The following ZNF469 variants were observed in gnomAD, a reference collection of about 807,000 sequenced individuals.
ZNF469 encodes zinc finger protein 469.
ZNF469 carries 1 observed loss-of-function variant against 1.0 expected under a neutral mutation model. The observed-to-expected ratio is 1.00, with a 90% CI of 0.35 to 4.73. The LOEUF (loss-of-function observed/expected upper bound fraction) is 4.73. Ranked by LOEUF, ZNF469 falls within the 30% of genes most tolerant of loss-of-function variation. ZNF469 has a pLI of 0.16. For missense variants in ZNF469, 6,100 were observed against 5,356.3 expected, an observed-to-expected ratio of 1.14 and a Z score of -4.33; for synonymous variants, 2,703 against 2,363.4, an observed-to-expected ratio of 1.14 and a Z score of -4.17.
the ZNF469 span, among the ~76,000 whole-genome samples, chr16:88,279,795 CTGA>C: frequency 1.9e-3 from 276 of 145,540 alleles, 3 homozygotes; most frequent in African/African-American, 3.7e-3. Context: ...CTGTGCCACG[CTGA>C]CACTCGGTCA....
intron 1 of ZNF469, among the ~76,000 whole-genome samples, chr16:88,391,592 G>A (rs1226048900): frequency 6.6e-5 from 10 of 152,270 alleles, no homozygotes; most frequent in Non-Finnish European, 2.9e-5. Context: ...CTCGGGATCG[G>A]GAGCCTCTGA....
chr16:88,365,735 C>T, the ZNF469 span, among the ~76,000 whole-genome samples: 1 of 152,166 alleles, frequency 6.6e-6, no homozygotes, highest in African/African-American at 2.4e-5. Flanking sequence ...AGTGTGGTTG[C>T]AGGTGTCCTC....
chr16:88,333,846 G>A, the ZNF469 span, among the ~76,000 whole-genome samples: 2 of 144,232 alleles, frequency 1.4e-5, no homozygotes, highest in South Asian at 4.8e-4. Context: ...GGGTGGGGGG[G>A]ACGTGGGGGC....
chr16:88,342,453 T>C, the ZNF469 span, among the ~76,000 whole-genome samples: 1 of 152,136 alleles, frequency 6.6e-6, no homozygotes, highest in South Asian at 2.1e-4. Flanking sequence ...CCCACTCCAA[T>C]GGCCACTGAG....
the ZNF469 span, among the ~76,000 whole-genome samples, chr16:88,300,469 C>T: frequency 6.6e-6 from 1 of 151,976 alleles, no homozygotes; most frequent in African/African-American, 2.4e-5. Context: ...CCCAGGGCCC[C>T]GACACTGCTC....
the ZNF469 span, among the ~76,000 whole-genome samples, chr16:88,142,121 G>A: frequency 1.3e-5 from 2 of 152,244 alleles, no homozygotes; most frequent in African/African-American, 4.8e-5. Flanking sequence ...GAACAACACA[G>A]CGATGTCCAA....
At chr16:88,273,932 G>C in the ZNF469 span, among the ~76,000 whole-genome samples, 2 of 151,822 alleles carry the variant, frequency 1.3e-5, no homozygotes, top group African/African-American at 4.8e-5. Flanking sequence ...AGCCTCCCGT[G>C]TAGCTGGACT....
chr16:88,103,910 C>T, the ZNF469 span, among the ~76,000 whole-genome samples: 722 of 148,288 alleles, frequency 4.9e-3, 5 homozygotes, highest in African/African-American at 0.017. Context: ...CTCCGTGGCA[C>T]GAGGGGGCAG....
Position 88,430,640 on chromosome 16 carries a change from A to G in ZNF469, c.3170A>G (p.Gln1057Arg), listed in dbSNP as rs1906094804. Residue 1057 changes from glutamine to arginine, a missense_variant, in exon 3 of 3, where the codon CAG becomes CGG. Gln to Arg is a conservative substitution (Grantham distance 43). Transcript: ENST00000565624. ...GAGCTCATTCTGAAGATCGTGCAGC[A>G]GAAGAACAGGCGCCACCGGCGGCTG... ...GKELILKIVQ[Q>R]KNRRHRRLGR... The G allele has an allele frequency of 2.0e-6, 3 of 1,498,174 alleles. No individual in the cohort carries two copies. The East Asian group carries it at 8.1e-5, about 41-fold the overall frequency. The allele number at this position is 1,498,174 out of a possible 1,614,324, so 92.8% of individuals were successfully genotyped here.
At chr16:88,285,459 A>G in the ZNF469 span, among the ~76,000 whole-genome samples, 1 of 152,238 alleles carries the variant, frequency 6.6e-6, no homozygotes, top group African/African-American at 2.4e-5. Context: ...ACACTGTCAC[A>G]GCAGAATCTT....
chr16:88,202,701 T>C, the ZNF469 span, among the ~76,000 whole-genome samples: 155 of 152,186 alleles, frequency 1.0e-3, 1 homozygote, highest in East Asian at 3.5e-3. Flanking sequence ...CGGATGGTGG[T>C]GGGGGCGCCT....
the ZNF469 span, among the ~76,000 whole-genome samples, chr16:88,369,387 C>A: frequency 6.6e-6 from 1 of 152,232 alleles, no homozygotes; most frequent in African/African-American, 2.4e-5. Flanking sequence ...TTGGCATTGC[C>A]TGACTCACAG....
the ZNF469 span, among the ~76,000 whole-genome samples, chr16:88,214,155 A>G: frequency 1.3e-5 from 2 of 152,224 alleles, no homozygotes; most frequent in African/African-American, 2.4e-5. Context: ...ATGGAGGCAC[A>G]TGAATTAATA....
the ZNF469 span, among the ~76,000 whole-genome samples, chr16:88,210,469 A>T: frequency 1.3e-5 from 2 of 152,238 alleles, no homozygotes; most frequent in Admixed American, 1.3e-4. Context: ...TATACCGTCA[A>T]ATATACCCAT....
At chr16:88,143,708 C>G in the ZNF469 span, among the ~76,000 whole-genome samples, 3 of 152,242 alleles carry the variant, frequency 2.0e-5, no homozygotes, top group African/African-American at 7.2e-5. Flanking sequence ...ACATCACACA[C>G]GTTTGCTCTA....
the ZNF469 span, among the ~76,000 whole-genome samples, chr16:88,251,536 G>GTGTTTTTTTTTTTTTTTTT: frequency 1.3e-4 from 10 of 78,790 alleles, 1 homozygote; most frequent in Admixed American, 1.6e-4. Flanking sequence ...TGTCCCTGCT[G>GTGTTTTTTTTTTTTTTTTT]TCTTTTTTTT....
At chr16:88,400,053 T>C (rs4782352) in intron 1 of ZNF469, among the ~76,000 whole-genome samples, 103,628 of 152,140 alleles carry the variant, frequency 0.68, 35,908 homozygotes, top group African/African-American at 0.8. Flanking sequence ...CCGGCTGAAG[T>C]GTGGCAGGGA....
the ZNF469 span, among the ~76,000 whole-genome samples, chr16:88,279,097 G>C: frequency 7.7e-6 from 1 of 130,052 alleles, no homozygotes; most frequent in Non-Finnish European, 1.8e-5. Context: ...GCCGACACTT[G>C]GTCAGTACTG....
At chr16:88,397,298 G>C (rs1904713705) in intron 1 of ZNF469, among the ~76,000 whole-genome samples, 1 of 152,238 alleles carries the variant, frequency 6.6e-6, no homozygotes, top group Admixed American at 6.5e-5. Flanking sequence ...TGGCTTGTGA[G>C]ACTGGGCCAT....
Sources: allele counts gnomAD v4.1 joint callset (sites outside exome capture counted in the v4.1 genomes callset), GRCh38; gene constraint gnomAD v4.1.1; transcripts MANE v1.5; gene names NCBI Gene and HGNC (gene_info 2026-07-23, HGNC 2026-07-21).